Variants in PDLIM5 observed in about 807,000 individuals in gnomAD.
PDLIM5 encodes PDZ and LIM domain 5, also known as PDZ and LIM domain protein 5.
A neutral mutation model predicts 64.2 loss-of-function variants in PDLIM5; 34 were observed. The ratio of observed to expected loss-of-function variants is 0.53; its 90% CI spans 0.40 to 0.71. The LOEUF is 0.71. Ranked by LOEUF, PDLIM5 falls within the 30% of genes least tolerant of loss-of-function variation. The pLI is 0.00. For missense variants in PDLIM5, 683 were observed against 733.6 expected, an observed-to-expected ratio of 0.93 and a Z score of 0.80; for synonymous variants, 253 against 269.1, an observed-to-expected ratio of 0.94 and a Z score of 0.59.
chr4:94,585,910 G>GCCTGTAATC (rs1319209857), intron 6 of PDLIM5, among the ~76,000 whole-genome samples, 173 bp downstream of exon 6: 1 of 152,106 alleles, frequency 6.6e-6, no homozygotes, highest in African/African-American at 2.4e-5. Flanking sequence ...AGTGGCTCAC[G>GCCTGTAATC]CCTGTAATCC....
chr4:94,606,331 C>G (rs1007867717), intron 7 of PDLIM5, among the ~76,000 whole-genome samples: 2 of 152,090 alleles, frequency 1.3e-5, no homozygotes, highest in African/African-American at 4.8e-5. Flanking sequence ...CAGCACATGA[C>G]AGGGGCAGCT....
At chr4:94,600,549 A>G (rs1737413645) in intron 7 of PDLIM5, among the ~76,000 whole-genome samples, 1 of 152,240 alleles carries the variant, frequency 6.6e-6, no homozygotes. Flanking sequence ...AATCTGAAAA[A>G]TACCTTTATT....
At chr4:94,560,417 C>G (rs1326616902) in intron 3 of PDLIM5, among the ~76,000 whole-genome samples, 1 of 152,176 alleles carries the variant, frequency 6.6e-6, no homozygotes, top group Non-Finnish European at 1.5e-5. Flanking sequence ...TTCCCATACT[C>G]TCCCATTATT....
chr4:94,491,924 T>TC (rs1726913366), intron 2 of PDLIM5, among the ~76,000 whole-genome samples: 1 of 151,976 alleles, frequency 6.6e-6, no homozygotes, highest in South Asian at 2.1e-4. Flanking sequence ...AAGTTTATTC[T>TC]CCTAGTTTTT....
At chr4:94,551,171 G>A (rs924961740) in intron 3 of PDLIM5, among the ~76,000 whole-genome samples, 8 of 151,960 alleles carry the variant, frequency 5.3e-5, no homozygotes, top group Non-Finnish European at 7.4e-5. Flanking sequence ...CTATCTCAGG[G>A]TTTTATAGCT....
At chr4:94,487,685 T>C (rs1726478834) in intron 2 of PDLIM5, among the ~76,000 whole-genome samples, 1 of 152,236 alleles carries the variant, frequency 6.6e-6, no homozygotes, top group South Asian at 2.1e-4. Context: ...GGTGACATGT[T>C]ACAAGTGTTC....
intron 11 of PDLIM5, among the ~76,000 whole-genome samples, chr4:94,660,479 G>T (rs2110504203): frequency 6.6e-6 from 1 of 151,758 alleles, no homozygotes; most frequent in East Asian, 1.9e-4. Flanking sequence ...CAATTATTTT[G>T]TATTAAATTA....
chr4:94,483,380 A>T (rs1044773979), intron 2 of PDLIM5, among the ~76,000 whole-genome samples: 46 of 152,204 alleles, frequency 3.0e-4, no homozygotes, highest in Non-Finnish European at 2.9e-5. Context: ...TCAAAAGTAC[A>T]TGGCCAGTTT....
At chr4:94,529,224 C>A (rs1386564916) in intron 3 of PDLIM5, among the ~76,000 whole-genome samples, 1 of 152,060 alleles carries the variant, frequency 6.6e-6, no homozygotes, top group African/African-American at 2.4e-5. Flanking sequence ...GAAAGGAAGG[C>A]CAGAGGAAGG....
At position 94,586,593 on chromosome 4, in the gene PDLIM5, A is replaced by G. The variant is rs937880345; in HGVS notation, c.920+149A>G. 3.1e-5 allele frequency: 19 copies of G among 611,914 alleles called. No homozygotes were observed. The East Asian group carries it at 5.1e-4, about 16-fold the overall frequency. 37.9% of individuals were successfully genotyped at this position (611,914 alleles called of 1,614,324 possible). A position where few individuals can be genotyped will look rare whatever the true frequency, so the allele number is the denominator to read the frequency against. ...AACTTTGGTGCCTTTTGTGTGACCTAAATGTACAACTTGCAGATTTTAAAA... is the reference window on the plus strand; with the variant it reads ...AACTTTGGTGCCTTTTGTGTGACCTGAATGTACAACTTGCAGATTTTAAAA... On this transcript the variant is annotated intron_variant, in intron 7 of 12. Coordinates refer to ENST00000317968, the MANE Select transcript of PDLIM5 (RefSeq NM_006457.5).
At chr4:94,455,725 G>A in intron 2 of PDLIM5, 1 of 1,445,500 alleles carries the variant, frequency 6.9e-7, no homozygotes, top group Middle Eastern at 1.8e-4. Context: ...TTGTGCTATG[G>A]GATTTTAATA....
chr4:94,664,962 G>A lies in PDLIM5; in HGVS notation c.*895G>A, dbSNP rs1742999603. 1.0e-5 allele frequency: 10 copies of A among 981,550 alleles called. No homozygotes were observed. The South Asian group carries it at 4.7e-4, about 46-fold the overall frequency. The allele number at this position is 981,550 out of a possible 1,614,324, so 60.8% of individuals were successfully genotyped here. On this transcript the variant is annotated 3_prime_UTR_variant, in exon 13 of 13. Coordinates refer to ENST00000317968, the MANE Select transcript of PDLIM5 (RefSeq NM_006457.5). ...AAGATTTTTTATCAAAATGTGTCATGCCAGTAAGAGATGTTATATTCTTTT... is the reference window on the plus strand; with the variant it reads ...AAGATTTTTTATCAAAATGTGTCATACCAGTAAGAGATGTTATATTCTTTT...
intron 2 of PDLIM5, among the ~76,000 whole-genome samples, chr4:94,494,339 T>G (rs1277856396): frequency 6.6e-6 from 1 of 151,816 alleles, no homozygotes; most frequent in African/African-American, 2.4e-5. Context: ...TTTTTAAGGC[T>G]TCAATCAATA....
At chr4:94,461,516 A>C (rs1355911383) in intron 2 of PDLIM5, among the ~76,000 whole-genome samples, 1 of 135,164 alleles carries the variant, frequency 7.4e-6, no homozygotes, top group Non-Finnish European at 1.7e-5. Context: ...CTTTGTTTTT[A>C]TTAAGAGGTT....
intron 2 of PDLIM5, among the ~76,000 whole-genome samples, chr4:94,465,197 T>C (rs1156781342): frequency 1.3e-5 from 2 of 152,186 alleles, no homozygotes; most frequent in Non-Finnish European, 2.9e-5. Flanking sequence ...AACATTCATG[T>C]ATCCTTTGCT....
intron 3 of PDLIM5, among the ~76,000 whole-genome samples, chr4:94,566,191 C>G (rs747562354): frequency 6.6e-6 from 1 of 152,138 alleles, no homozygotes; most frequent in Non-Finnish European, 1.5e-5. Flanking sequence ...CGGCTTCTGC[C>G]ACTTTCAAAT....
chr4:94,513,901 A>G (rs1729118620), intron 2 of PDLIM5, among the ~76,000 whole-genome samples: 1 of 152,048 alleles, frequency 6.6e-6, no homozygotes. Context: ...ATGTTCCTCT[A>G]TTCCCAGTTT....
At chr4:94,655,890 G>A (rs1742172538) in intron 10 of PDLIM5, among the ~76,000 whole-genome samples, 1 of 152,128 alleles carries the variant, frequency 6.6e-6, no homozygotes, top group Admixed American at 6.5e-5. Flanking sequence ...GGAAAGGGAA[G>A]AATATTCTGG....
intron 2 of PDLIM5, among the ~76,000 whole-genome samples, chr4:94,475,210 G>A (rs1358485163): frequency 1.3e-5 from 2 of 151,622 alleles, no homozygotes; most frequent in African/African-American, 4.8e-5. Context: ...GGAGGTTGTT[G>A]TATAAAGGAG....
Sources: gnomAD v4.1 joint callset for allele counts (sites outside exome capture counted in the v4.1 genomes callset) on GRCh38, gnomAD v4.1.1 for gene constraint, MANE v1.5 for transcripts, NCBI Gene and HGNC (gene_info 2026-07-23, HGNC 2026-07-21) for gene names.